DIAPH1: variants seen among roughly 807,000 people sequenced by gnomAD.
The protein encoded by DIAPH1 is diaphanous related formin 1.
A neutral mutation model predicts 140.7 loss-of-function variants in DIAPH1; 46 were observed. The observed-to-expected ratio is 0.33, with a 90% CI of 0.26 to 0.42. DIAPH1 has a LOEUF of 0.42. Ranked by LOEUF, DIAPH1 falls within the 10% of genes least tolerant of loss-of-function variation. The pLI is 1.00. For synonymous variants in DIAPH1, 565 were observed against 551.6 expected, an observed-to-expected ratio of 1.02 and a Z score of -0.34; for missense variants, 1,310 against 1,558.7, an observed-to-expected ratio of 0.84 and a Z score of 2.69.
intron 1 of DIAPH1, among the ~76,000 whole-genome samples, chr5:141,590,248 GAAATA>G (rs1026943755): frequency 3.9e-5 from 6 of 152,082 alleles, no homozygotes; most frequent in African/African-American, 2.4e-5. Flanking sequence ...TGGTGCTTTT[GAAATA>G]AAATAAAACA....
intron 12 of DIAPH1, 83 bp from the exon 13 acceptor site, chr5:141,576,954 G>A (rs1317569611): frequency 3.4e-6 from 3 of 876,636 alleles, no homozygotes; most frequent in East Asian, 5.0e-5. Flanking sequence ...AAACGTAATT[G>A]CTCTGACAAC....
At chr5:141,611,249 TAAC>T (rs2099901796) in intron 1 of DIAPH1, among the ~76,000 whole-genome samples, 2 of 152,128 alleles carry the variant, frequency 1.3e-5, no homozygotes, top group African/African-American at 4.8e-5. Context: ...CATTCTCTTT[TAAC>T]AACAACAAAA....
chr5:141,588,397 A>C lies in DIAPH1; in HGVS notation c.118-147T>G, dbSNP rs1272406328. The C allele has an allele frequency of 4.2e-6, 3 of 708,410 alleles. No individual in the cohort carries two copies. In the East Asian group the frequency reaches 8.2e-5, roughly 19 times the overall value. 43.9% of individuals were successfully genotyped at this position (708,410 alleles called of 1,614,324 possible). A position where few individuals can be genotyped will look rare whatever the true frequency, so the allele number is the denominator to read the frequency against. On this transcript the variant is annotated intron_variant, in intron 1 of 27. Coordinates refer to ENST00000389054, the MANE Select transcript of DIAPH1 (RefSeq NM_005219.5). ...TTCTGCAAGCTAATGATTTCTGTCA[A>C]AGTATTCCTTAGCACATTCCCTCAA...
At chr5:141,534,166 C>G (rs2099888681) in intron 19 of DIAPH1, among the ~76,000 whole-genome samples, 169 bp downstream of exon 19, 1 of 151,678 alleles carries the variant, frequency 6.6e-6, no homozygotes, top group Non-Finnish European at 1.5e-5. Context: ...TCTTGCAGTG[C>G]TATTGAAGAA....
At chr5:141,554,212 G>A (rs1318321116) in intron 18 of DIAPH1, among the ~76,000 whole-genome samples, 4 of 152,272 alleles carry the variant, frequency 2.6e-5, no homozygotes, top group Admixed American at 6.5e-5. Context: ...GAGAGGCAGA[G>A]GTTGCAGTGA....
At position 141,526,426 on chromosome 5, in the gene DIAPH1, C is replaced by T; in HGVS notation, c.3309G>A (p.Lys1103=). Residue 1103 remains lysine, a synonymous_variant, in exon 25 of 28, where the codon AAG becomes AAA. Transcript: ENST00000389054. ...FVKDAQEQYN[K]LRMMHSNMET... is the part of the protein sequence containing the mutation. ...CCATGTTAGAATGCATCATCCGCAG[C>T]TTGTTATACTGTTCCTGTGCATCCT... 1 of 1,614,170 alleles carries T rather than the reference C, an allele frequency of 6.2e-7. No homozygotes were observed. The highest frequency in any genetic ancestry group is 2.2e-5 in the East Asian group (1 of 44,876).
chr5:141,566,926 A>AAACC (rs2099894472), intron 18 of DIAPH1, among the ~76,000 whole-genome samples: 1 of 147,452 alleles, frequency 6.8e-6, no homozygotes, highest in Non-Finnish European at 1.5e-5. Context: ...AAAACAAAAC[A>AAACC]AAACCACATA....
intron 1 of DIAPH1, among the ~76,000 whole-genome samples, chr5:141,612,715 T>A (rs1342504540): frequency 6.6e-6 from 1 of 152,242 alleles, no homozygotes; most frequent in African/African-American, 2.4e-5. Context: ...TTATCTTGAC[T>A]ATAGAAATGG....
At chr5:141,607,659 T>C (rs559904475) in intron 1 of DIAPH1, among the ~76,000 whole-genome samples, 38 of 152,360 alleles carry the variant, frequency 2.5e-4, no homozygotes, top group African/African-American at 8.9e-4. Flanking sequence ...TTCTATGAAG[T>C]GGCTTTACCT....
At chr5:141,560,865 G>GTTTTCGTCATACTGCTGT in intron 18 of DIAPH1, 1 of 454,738 alleles carries the variant, frequency 2.2e-6, no homozygotes, top group Non-Finnish European at 4.4e-6. Context: ...ACAGCTGCTG[G>GTTTTCGTCATACTGCTGT]TTTTCGTCAT....
intron 18 of DIAPH1, among the ~76,000 whole-genome samples, chr5:141,552,428 G>C (rs571676354): frequency 6.6e-6 from 1 of 152,336 alleles, no homozygotes; most frequent in African/African-American, 2.4e-5. Flanking sequence ...GCAGAGGTCA[G>C]AGAAAGAGAT....
At position 141,528,489 on chromosome 5, in the gene DIAPH1, G is replaced by C. The variant is rs749733899; in HGVS notation, c.3112C>G (p.Pro1038Ala). 8.7e-6 allele frequency: 14 copies of C among 1,614,210 alleles called. No individual in the cohort carries two copies. Among genetic ancestry groups the C allele is most frequent in the Non-Finnish European group, 1.2e-5 (14 of 1,180,036 alleles). ...ENDYPDVLKFPDELAHVEKAS... is the reference protein window; with the variant it reads ...ENDYPDVLKFADELAHVEKAS... ...TTCTCCACATGGGCAAGCTCGTCTG[G>C]AAACTTGAGGACATCGGGATAGTCA... Residue 1038 changes from proline (P) to alanine (A), a missense_variant, in exon 23 of 28, where the codon CCA becomes GCA. Pro to Ala is a conservative substitution (Grantham distance 27, BLOSUM62 -1). Around this residue, in one of 3 missense-constraint regions of DIAPH1, gnomAD observed 344 missense variants for 512.2 expected, o/e 0.67. Coordinates refer to ENST00000389054, the MANE Select transcript of DIAPH1 (RefSeq NM_005219.5).
At chr5:141,530,311 T>G (rs74989167) in intron 19 of DIAPH1, among the ~76,000 whole-genome samples, 1,620 of 152,312 alleles carry the variant, frequency 0.011, 40 homozygotes, top group African/African-American at 0.037. Context: ...ATATATCAGT[T>G]CCACTCTGCC....
Position 141,527,573 on chromosome 5 carries a change from G to A in DIAPH1, c.3273C>T (p.Thr1091=). Residue 1091 remains threonine (T), a splice_region_variant and synonymous_variant, in exon 24 of 28, where the codon ACC becomes ACT. Coordinates refer to ENST00000389054, the MANE Select transcript of DIAPH1 (RefSeq NM_005219.5). ...DEKDKFVEKM[T]SFVKDAQEQY... is the part of the protein sequence containing the mutation. The stretch of plus-strand genomic sequence containing the variant: ...ACTCCCTCCTTTCAAGAGAGGATAT[G>A]GTCATTTTTTCAACAAACTTGTCTT... 2 of 1,613,504 alleles carry A rather than the reference G, an allele frequency of 1.2e-6. No homozygotes were observed. The highest frequency in any genetic ancestry group is 1.7e-6 in the Non-Finnish European group (2 of 1,179,852).
intron 18 of DIAPH1, among the ~76,000 whole-genome samples, chr5:141,568,293 A>C (rs952453316): frequency 2.0e-5 from 3 of 151,274 alleles, no homozygotes; most frequent in Admixed American, 6.6e-5. Flanking sequence ...AATGAAACAA[A>C]AAAAAAAAAA....
chr5:141,533,363 C>T (rs888029648), intron 19 of DIAPH1, among the ~76,000 whole-genome samples: 63 of 152,144 alleles, frequency 4.1e-4, no homozygotes, highest in African/African-American at 1.5e-3. Context: ...CTACCTATAT[C>T]AACTTTGCAG....
At position 141,526,042 on chromosome 5, in the gene DIAPH1, A is replaced by G. The variant is rs1596337059; in HGVS notation, c.3570T>C (p.Asn1190=). 1.2e-6 allele frequency: 2 copies of G among 1,613,880 alleles called. No homozygotes were observed. The highest frequency in any genetic ancestry group is 8.5e-7 in the Non-Finnish European group (1 of 1,179,900). The change falls in exon 26 of 28, where the codon AAT becomes AAC. Residue 1190 remains asparagine, a synonymous_variant. Transcript: ENST00000389054. ...CAACCCGTCTTCACTCCTCACCTGC[A>G]TTCATGTCTATGAGTTGCTCTCTCT... ...QQKREQLIDM[N]AEGDETGVMD...
rs1453865659 is a variant in DIAPH1 at position 141,575,038 on chromosome 5, G to A, written c.1570C>T (p.His524Tyr). 6 of 1,614,118 alleles carry A rather than the reference G, an allele frequency of 3.7e-6. No individual in the cohort carries two copies. The highest frequency in any genetic ancestry group is 1.1e-5 in the South Asian group (1 of 91,076). Residue 524 changes from histidine (H) to tyrosine (Y), a missense_variant, in exon 15 of 28, where the codon CAT (histidine) becomes TAT (tyrosine). His to Tyr is a moderately conservative substitution (Grantham distance 83, BLOSUM62 2). Coordinates refer to ENST00000389054, the MANE Select transcript of DIAPH1 (RefSeq NM_005219.5). ...QDLQGEKDALHSEKQQIATEK... is the reference protein window; with the variant it reads ...QDLQGEKDALYSEKQQIATEK... ...GTGGCAATTTGCTGCTTTTCAGAAT[G>A]CAGTGCATCTTTTTCTCCCTGAAGA...
chr5:141,537,569 A>G (rs1416330590), intron 18 of DIAPH1, among the ~76,000 whole-genome samples: 1 of 151,874 alleles, frequency 6.6e-6, no homozygotes, highest in African/African-American at 2.4e-5. Context: ...AAGACAACCC[A>G]AGGAAGAACT....
Sources: allele counts gnomAD v4.1 joint callset (sites outside exome capture counted in the v4.1 genomes callset), GRCh38; gene constraint gnomAD v4.1.1; regional missense constraint gnomAD v4.1.1; transcripts MANE v1.5; gene names NCBI Gene and HGNC (gene_info 2026-07-23, HGNC 2026-07-21).